Variants in RUNX1 observed in about 807,000 individuals in gnomAD.
RUNX1 encodes runt-related transcription factor 1.
Under a neutral mutation model 42.8 loss-of-function variants are expected in RUNX1, and 19 were observed. The ratio of observed to expected loss-of-function variants is 0.44; its 90% CI spans 0.31 to 0.65. RUNX1 has a LOEUF of 0.65. Among genes scored for constraint, RUNX1 ranks in the 30% least tolerant of loss-of-function variants. The pLI, the probability that RUNX1 is intolerant of heterozygous loss-of-function variation, is 0.07. For missense variants in RUNX1, 528 were observed against 672.0 expected (o/e 0.79, Z 2.37); for synonymous variants, 271 against 289.4 (o/e 0.94, Z 0.64).
chr21:34,867,356 C>G (rs2057676926), intron 5 of RUNX1, among the ~76,000 whole-genome samples: 1 of 152,216 alleles, frequency 6.6e-6, no homozygotes, highest in Non-Finnish European at 1.5e-5. Context: ...ACAAGAATCA[C>G]TTGAACCCAG....
intron 2 of RUNX1, among the ~76,000 whole-genome samples, chr21:34,902,058 T>G (rs1299342823): frequency 6.6e-6 from 1 of 152,178 alleles, no homozygotes; most frequent in African/African-American, 2.4e-5. Flanking sequence ...AAAAAAGAAA[T>G]GAATGAATGT....
At chr21:34,846,628 A>T (rs1052752056) in intron 6 of RUNX1, among the ~76,000 whole-genome samples, 1 of 152,054 alleles carries the variant, frequency 6.6e-6, no homozygotes, top group Non-Finnish European at 1.5e-5. Flanking sequence ...CATAGACTCC[A>T]CGGGCAGGCC....
intron 2 of RUNX1, among the ~76,000 whole-genome samples, chr21:34,936,551 G>C (rs1335928165): frequency 6.6e-6 from 1 of 152,186 alleles, no homozygotes; most frequent in Admixed American, 6.5e-5. Flanking sequence ...GCTGCTAACT[G>C]TGTAAATGTA....
intron 2 of RUNX1, among the ~76,000 whole-genome samples, chr21:34,991,775 T>C (rs1292061552): frequency 1.3e-5 from 2 of 152,188 alleles, no homozygotes; most frequent in Non-Finnish European, 2.9e-5. Context: ...TATTTGGATA[T>C]AGCGTTTTTG....
Position 34,792,576 on chromosome 21 carries a change from G to T in RUNX1, c.1002C>A (p.Arg334=). The change falls in exon 9 of 9, where the codon CGC becomes CGA. Residue 334 remains arginine (R), a synonymous_variant. Transcript: ENST00000675419. This position sits in a 1 kb window ranked among gnomAD's most constrained non-coding sequence, Gnocchi z 6.9. ...AGATGGAGGGCAGCGCGGGGAACTG[G>T]CGCGGGTCGCTGAACGCTGTCAGGT... ...APDLTAFSDP[R]QFPALPSISD... 6.2e-7 allele frequency: 1 copy of T among 1,603,140 alleles called. No individual in the cohort carries two copies. Among genetic ancestry groups the T allele is most frequent in the Non-Finnish European group, 8.5e-7 (1 of 1,175,132 alleles).
chr21:34,930,709 T>A (rs916291000), intron 2 of RUNX1, among the ~76,000 whole-genome samples: 4 of 51,910 alleles, frequency 7.7e-5, no homozygotes, highest in African/African-American at 1.1e-4. Context: ...ACACACTCTC[T>A]CTCTCTCTCT....
chr21:34,911,164 C>T (rs768239949), intron 2 of RUNX1, among the ~76,000 whole-genome samples: 6 of 152,180 alleles, frequency 3.9e-5, no homozygotes, highest in Non-Finnish European at 8.8e-5. Context: ...GAAGGGGTCT[C>T]TTCCTGATAT....
At chr21:34,799,558 C>A (rs762314566) in intron 7 of RUNX1, 96 bp from the exon 8 acceptor site, 15 of 1,087,504 alleles carry the variant, frequency 1.4e-5, no homozygotes, top group African/African-American at 3.1e-5. Flanking sequence ...TCAAATATGT[C>A]ACATACATGT....
intron 7 of RUNX1, among the ~76,000 whole-genome samples, chr21:34,812,045 C>T (rs2056765283): frequency 6.6e-6 from 1 of 150,828 alleles, no homozygotes; most frequent in South Asian, 2.1e-4. Flanking sequence ...TTTGAAATTT[C>T]TTAAATATTT....
intron 2 of RUNX1, among the ~76,000 whole-genome samples, chr21:35,021,281 G>T (rs1399179984): frequency 2.0e-5 from 3 of 152,198 alleles, no homozygotes; most frequent in Admixed American, 1.3e-4. Context: ...GATTACATGA[G>T]TTATTATCTG....
chr21:35,043,003 A>G (rs1179220387), intron 2 of RUNX1, among the ~76,000 whole-genome samples: 2 of 152,200 alleles, frequency 1.3e-5, no homozygotes, highest in Non-Finnish European at 2.9e-5. Context: ...TCAGAGAGCC[A>G]AGAGAGTATA....
intron 6 of RUNX1, among the ~76,000 whole-genome samples, chr21:34,841,045 C>A (rs964320653): frequency 6.6e-6 from 1 of 152,208 alleles, no homozygotes; most frequent in Non-Finnish European, 1.5e-5. Context: ...AAGAAAGCCA[C>A]TCTGCGGAAC....
At chr21:34,908,103 A>G (rs562871274) in intron 2 of RUNX1, among the ~76,000 whole-genome samples, 2 of 152,324 alleles carry the variant, frequency 1.3e-5, no homozygotes, top group East Asian at 1.9e-4. Flanking sequence ...GAAAATTTAC[A>G]ACTCATGCAA....
chr21:34,988,220 G>C (rs2146817604), intron 2 of RUNX1, among the ~76,000 whole-genome samples: 1 of 152,274 alleles, frequency 6.6e-6, no homozygotes, highest in Admixed American at 6.5e-5. Flanking sequence ...CCCAGCTCCT[G>C]GTGCCCCTGG....
At chr21:34,834,362 T>C (rs753190716) in intron 7 of RUNX1, 48 bp downstream of exon 7, 3 of 1,585,364 alleles carry the variant, frequency 1.9e-6, no homozygotes, top group South Asian at 2.2e-5. Context: ...TTGTGGGTGG[T>C]GGCCCAGGTG....
chr21:35,016,165 G>A (rs73900781), intron 2 of RUNX1, among the ~76,000 whole-genome samples: 35 of 152,346 alleles, frequency 2.3e-4, no homozygotes, highest in African/African-American at 8.2e-4. Context: ...TTTTGCCTAA[G>A]ACAGGCCTTG....
chr21:35,011,316 G>A (rs980085437), intron 2 of RUNX1, among the ~76,000 whole-genome samples: 2 of 152,086 alleles, frequency 1.3e-5, no homozygotes, highest in Admixed American at 1.3e-4. Flanking sequence ...CATGACAATT[G>A]ATCCAGGCAA....
intron 2 of RUNX1, among the ~76,000 whole-genome samples, chr21:34,985,296 T>G (rs1241395810): frequency 6.6e-6 from 1 of 152,194 alleles, no homozygotes; most frequent in Non-Finnish European, 1.5e-5. Flanking sequence ...AGGACCTCAA[T>G]GGAGTGACCC....
intron 6 of RUNX1, among the ~76,000 whole-genome samples, chr21:34,834,959 C>T (rs1265781014): frequency 2.0e-5 from 3 of 152,076 alleles, no homozygotes; most frequent in African/African-American, 4.8e-5. Context: ...TGGCACATGG[C>T]CACATGCCAG....
Sources: gnomAD v4.1 joint callset for allele counts (sites outside exome capture counted in the v4.1 genomes callset) on GRCh38, gnomAD v4.1.1 for gene constraint, Gnocchi (gnomAD v3.1) non-coding constraint, MANE v1.5 for transcripts, NCBI Gene and HGNC (gene_info 2026-07-23, HGNC 2026-07-21) for gene names.